The following SMG1 variants were observed in gnomAD, a reference collection of about 807,000 sequenced individuals.
The protein encoded by SMG1 is SMG1 nonsense mediated mRNA decay associated PI3K related kinase.
A neutral mutation model predicts 419.9 loss-of-function variants in SMG1; 22 were observed. That is an observed-to-expected ratio of 0.05 (90% CI 0.04 to 0.07). The LOEUF is 0.07. SMG1 is among the 10% of genes least tolerant of loss of function. The pLI, the probability that SMG1 is intolerant of heterozygous loss-of-function variation, is 1.00. For synonymous variants in SMG1, 1,538 were observed against 1,553.5 expected, an observed-to-expected ratio of 0.99 and a Z score of 0.23; for missense variants, 3,185 against 4,342.0, an observed-to-expected ratio of 0.73 and a Z score of 7.49.
intron 1 of SMG1, among the ~76,000 whole-genome samples, chr16:18,905,949 G>C (rs931440056): frequency 6.6e-6 from 1 of 151,934 alleles, no homozygotes; most frequent in East Asian, 1.9e-4. Flanking sequence ...ATTTCATTGT[G>C]TATCATTTCA....
chr16:18,812,161 G>A, intron 60 of SMG1, 34 bp from the exon 61 acceptor site: 1 of 1,594,270 alleles, frequency 6.3e-7, no homozygotes, highest in East Asian at 2.2e-5. Flanking sequence ...CAATTTACAT[G>A]TAAACAGAAC....
In SMG1 at chr16:18,888,656, C is replaced by T. The variant is rs533359816; in HGVS notation, c.822+716G>A. 1.1e-4 allele frequency among the ~76,000 whole-genome samples: 16 copies of T among 151,082 alleles called. No individual in the cohort carries two copies. The East Asian group carries it at 2.6e-3, about 24-fold the overall frequency. ...CTAATTTTTGTATTGTTAGTAGAGA[C>T]GGGGTTTCACCATGTTGGCCTGGAT... On this transcript the variant is annotated intron_variant, in intron 6 of 62. Coordinates refer to ENST00000446231, the MANE Select transcript of SMG1 (RefSeq NM_015092.5).
rs550398972 is a variant in SMG1 at position 18,819,401 on chromosome 16, G to C, written c.9894+101C>G. On this transcript the variant is annotated intron_variant, in intron 56 of 62. Coordinates refer to ENST00000446231, the MANE Select transcript of SMG1 (RefSeq NM_015092.5). ...TCCTCCCAGGGCTGTGAGCCAGAAC[G>C]TGGGCTCTCAAGCTCCCCTAGTTAC... is the stretch of plus-strand genomic sequence containing the variant. 29 of 1,283,670 alleles carry C rather than the reference G, an allele frequency of 2.3e-5. No homozygotes were observed. In the East Asian group the frequency reaches 7.1e-4, roughly 31 times the overall value. 79.5% of individuals were successfully genotyped at this position (1,283,670 alleles called of 1,614,324 possible).
Position 18,816,313 on chromosome 16 carries a change from C to A in SMG1, c.10291G>T (p.Ala3431Ser), listed in dbSNP as rs749249312. Residue 3431 changes from alanine (A) to serine (S), a missense_variant, in exon 58 of 63, where the codon GCT becomes TCT. Around this residue, in one of 27 missense-constraint regions of SMG1, gnomAD observed 737 missense variants for 846.6 expected, o/e 0.87. Coordinates refer to ENST00000446231, the MANE Select transcript of SMG1 (RefSeq NM_015092.5). The stretch of plus-strand genomic sequence containing the variant: ...GGTATTAGTCTTACCTTAGCCATAG[C>A]TTTCAAGAGATGTTTGACATCTCCA... ...QLGDVKHLLK[A>S]MAKDEEAALA... 5.6e-6 allele frequency: 9 copies of A among 1,613,532 alleles called. No individual in the cohort carries two copies. Among genetic ancestry groups the A allele is most frequent in the Non-Finnish European group, 6.8e-6 (8 of 1,179,608 alleles).
At position 18,926,198 on chromosome 16, in the gene SMG1, G is replaced by A; in HGVS notation, c.-157C>T. Reference sequence around the variant, plus strand: ...GGAGGAGGAGAAGGAGGAGGCGGCGGAGGGCGGGGGAAGAGGACGGCCGTT... The same window carrying A: ...GGAGGAGGAGAAGGAGGAGGCGGCGAAGGGCGGGGGAAGAGGACGGCCGTT... On this transcript the variant is annotated 5_prime_UTR_variant, in exon 1 of 63. Transcript: ENST00000446231. 1.6e-6 allele frequency: 1 copy of A among 636,640 alleles called. No individual in the cohort carries two copies. The highest frequency in any genetic ancestry group is 2.6e-6 in the Non-Finnish European group (1 of 388,564). 39.4% of individuals were successfully genotyped at this position (636,640 alleles called of 1,614,324 possible).
At position 18,853,846 on chromosome 16, in the gene SMG1, T is replaced by G; in HGVS notation, c.4505A>C (p.Glu1502Ala). Residue 1502 changes from glutamate to alanine, a missense_variant, in exon 31 of 63, where the codon GAA becomes GCA. Around this residue, in one of 27 missense-constraint regions of SMG1, gnomAD observed 493 missense variants for 552.9 expected, o/e 0.89. Transcript: ENST00000446231. Reference sequence around the variant, plus strand: ...AGATATGGCACAAGAACTCAACATTTCCATTGCATGTGTTGACTGGCCTAC... The same window carrying G: ...AGATATGGCACAAGAACTCAACATTGCCATTGCATGTGTTGACTGGCCTAC... ...YTAGQSTHAM[E>A]MLSSCAISFC... 6.2e-7 allele frequency: 1 copy of G among 1,612,180 alleles called. No homozygotes were observed.
chr16:18,835,774 T>C (rs559028530), intron 48 of SMG1, among the ~76,000 whole-genome samples, 159 bp downstream of exon 48: 14 of 152,136 alleles, frequency 9.2e-5, no homozygotes, highest in Admixed American at 3.3e-4. Flanking sequence ...CTTGGTGGTG[T>C]TGTAGTCCCA....
chr16:18,926,226 G>C lies in SMG1; in HGVS notation c.-185C>G. 1 of 575,222 alleles carries C rather than the reference G, an allele frequency of 1.7e-6. No individual in the cohort carries two copies. Among genetic ancestry groups the C allele is most frequent in the South Asian group, 2.2e-5 (1 of 45,956 alleles). 35.6% of individuals were successfully genotyped at this position (575,222 alleles called of 1,614,324 possible). Reference sequence around the variant, plus strand: ...GGCGGGGGAAGAGGACGGCCGTTCCGGGTTCCGCCTGAGCCCGCAGCGCAG... The same window carrying C: ...GGCGGGGGAAGAGGACGGCCGTTCCCGGTTCCGCCTGAGCCCGCAGCGCAG... On this transcript the variant is annotated 5_prime_UTR_variant, in exon 1 of 63. Coordinates refer to ENST00000446231, the MANE Select transcript of SMG1 (RefSeq NM_015092.5).
At position 18,808,711 on chromosome 16, in the gene SMG1, C is replaced by T. The variant is rs183316088; in HGVS notation, c.*858G>A. ...TTCTGGAAACTGTACATGATAGAAT[C>T]ACAGAAATGACTTAAATAACCGGAA... On this transcript the variant is annotated 3_prime_UTR_variant, in exon 63 of 63. Transcript: ENST00000446231. 1 of 152,724 alleles carries T rather than the reference C, an allele frequency of 6.5e-6. No individual in the cohort carries two copies. Among genetic ancestry groups the T allele is most frequent in the Non-Finnish European group, 1.5e-5 (1 of 68,030 alleles). 9.5% of individuals were successfully genotyped at this position (152,724 alleles called of 1,614,324 possible).
intron 1 of SMG1, among the ~76,000 whole-genome samples, chr16:18,921,945 T>G (rs934754753): frequency 6.6e-6 from 1 of 152,168 alleles, no homozygotes; most frequent in African/African-American, 2.4e-5. Context: ...AGATCCTAAG[T>G]TTGGGCACAG....
intron 1 of SMG1, among the ~76,000 whole-genome samples, chr16:18,922,091 T>C (rs2038220547): frequency 6.6e-6 from 1 of 152,226 alleles, no homozygotes; most frequent in African/African-American, 2.4e-5. Flanking sequence ...GTTGAATTAA[T>C]CAATCTATTT....
chr16:18,922,277 T>G (rs1321516511), intron 1 of SMG1, among the ~76,000 whole-genome samples: 1 of 152,146 alleles, frequency 6.6e-6, no homozygotes, highest in Non-Finnish European at 1.5e-5. Flanking sequence ...TGATAGGTCA[T>G]TTTTTTAGGG....
At chr16:18,919,706 C>A in intron 1 of SMG1, among the ~76,000 whole-genome samples, 1 of 144,436 alleles carries the variant, frequency 6.9e-6, no homozygotes, top group Middle Eastern at 3.5e-3. Flanking sequence ...ACACAATCTC[C>A]CTAGAAGCAT....
At chr16:18,832,611 CACAAAT>C (rs1367037873) in intron 51 of SMG1, among the ~76,000 whole-genome samples, 3 of 150,914 alleles carry the variant, frequency 2.0e-5, no homozygotes, top group Admixed American at 6.6e-5. Flanking sequence ...CACACACACA[CACAAAT>C]AAGTGCATGT....
Position 18,871,432 on chromosome 16 carries a change from G to A in SMG1, c.2234C>T (p.Ser745Phe), listed in dbSNP as rs11859677. Reference protein sequence around the residue: ...ALEAAVLMKKSETYAPLFSLP... With the variant: ...ALEAAVLMKKFETYAPLFSLP... ...AGAGAATAAAGGTGCGTATGTTTCA[G>A]ACTTCTTCATTAAAACAGCTGCTTC... is the stretch of plus-strand genomic sequence containing the variant. Residue 745 changes from serine to phenylalanine, a missense_variant, in exon 16 of 63, where the codon TCT becomes TTT. Physicochemically the swap from Ser to Phe is radical, Grantham distance 155. This residue lies in a region of SMG1 where 297 missense variants were observed against 491.0 expected (regional missense o/e 0.60). Transcript: ENST00000446231. 6.2e-7 allele frequency: 1 copy of A among 1,601,952 alleles called. No individual in the cohort carries two copies. Among genetic ancestry groups the A allele is most frequent in the South Asian group, 1.1e-5 (1 of 88,812 alleles).
At chr16:18,925,097 AAG>A (rs1162475863) in intron 1 of SMG1, 2 of 152,234 alleles carry the variant, frequency 1.3e-5, no homozygotes, top group African/African-American at 2.4e-5. Flanking sequence ...AGCATTTATT[AAG>A]AGAGATTAGA....
At chr16:18,892,386 G>A (rs757200993) in intron 3 of SMG1, 32 bp from the exon 4 acceptor site, 4 of 1,510,202 alleles carry the variant, frequency 2.6e-6, no homozygotes, top group South Asian at 1.3e-5. Flanking sequence ...GTTGTCCATT[G>A]AGTATAAATA....
At chr16:18,905,773 G>A (rs528881251) in intron 1 of SMG1, among the ~76,000 whole-genome samples, 110 of 151,828 alleles carry the variant, frequency 7.2e-4, no homozygotes, top group Admixed American at 2.6e-3. Context: ...TACCACACCC[G>A]GCTAATTTTT....
At chr16:18,830,722 C>A (rs1210331234) in intron 51 of SMG1, among the ~76,000 whole-genome samples, 1 of 151,956 alleles carries the variant, frequency 6.6e-6, no homozygotes, top group African/African-American at 2.4e-5. Context: ...ACCTAGGAGG[C>A]GGAGGTTGCC....
Sources: allele counts gnomAD v4.1 joint callset (sites outside exome capture counted in the v4.1 genomes callset), GRCh38; gene constraint gnomAD v4.1.1; regional missense constraint gnomAD v4.1.1; transcripts MANE v1.5; gene names NCBI Gene and HGNC (gene_info 2026-07-23, HGNC 2026-07-21).